Variants in TOGARAM1 observed in about 807,000 individuals in gnomAD.
TOGARAM1 encodes TOG array regulator of axonemal microtubules 1.
Under a neutral mutation model 166.6 loss-of-function variants are expected in TOGARAM1, and 100 were observed. That is an observed-to-expected ratio of 0.60 (90% CI 0.51 to 0.71). The LOEUF is 0.71. Among genes scored for constraint, TOGARAM1 ranks in the 30% least tolerant of loss-of-function variants. The pLI is 0.00. For synonymous variants in TOGARAM1, 758 were observed against 763.8 expected, an observed-to-expected ratio of 0.99 and a Z score of 0.13; for missense variants, 2,029 against 2,102.7, an observed-to-expected ratio of 0.96 and a Z score of 0.69.
chr14:45,038,855 C>G (rs1349915302), intron 11 of TOGARAM1, among the ~76,000 whole-genome samples: 1 of 152,104 alleles, frequency 6.6e-6, no homozygotes, highest in African/African-American at 2.4e-5. Context: ...GAGCAAACCT[C>G]CAGTTGTGGA....
chr14:44,963,120 C>T lies in TOGARAM1; in HGVS notation c.699C>T (p.Ser233=), dbSNP rs897694237. Residue 233 remains serine, a synonymous_variant, in exon 1 of 20, where the codon TCC becomes TCT. Coordinates refer to ENST00000361462, the MANE Select transcript of TOGARAM1 (RefSeq NM_001308120.2). Reference sequence around the variant, plus strand: ...GTACCGATGCCCGACTTAGAGCTTCCACAGCACTACTGCTTCCCATCTTGC... The same window carrying T: ...GTACCGATGCCCGACTTAGAGCTTCTACAGCACTACTGCTTCCCATCTTGC... ...LESTDARLRA[S]TALLLPILLT... 5 of 1,614,060 alleles carry T rather than the reference C, an allele frequency of 3.1e-6. No individual in the cohort carries two copies. The highest frequency in any genetic ancestry group is 3.3e-5 in the Admixed American group (2 of 59,998).
At position 45,073,524 on chromosome 14, in the gene TOGARAM1, A is replaced by G. The variant is rs1309707993; in HGVS notation, c.5285A>G (p.Glu1762Gly). The stretch of plus-strand genomic sequence containing the variant: ...CCACCACATATCAAAAAGAGTTTGG[A>G]GGAATTACTCGATATGACAATTTTA... ...SQPPHIKKSL[E>G]ELLDMTILNE... is the part of the protein sequence containing the mutation. Residue 1762 changes from glutamate (E) to glycine (G), a missense_variant, in exon 20 of 20, where the codon GAG (glutamate) becomes GGG (glycine). By Grantham distance (98) the Glu-to-Gly change is moderately conservative (BLOSUM62 -2). Coordinates refer to ENST00000361462, the MANE Select transcript of TOGARAM1 (RefSeq NM_001308120.2). The G allele has an allele frequency of 2.5e-5, 41 of 1,613,884 alleles. No individual in the cohort carries two copies. The highest frequency in any genetic ancestry group is 4.0e-5 in the African/African-American group (3 of 74,930).
intron 7 of TOGARAM1, among the ~76,000 whole-genome samples, chr14:45,021,579 T>A (rs959501755): frequency 1.3e-5 from 2 of 152,194 alleles, no homozygotes; most frequent in Admixed American, 6.5e-5. Flanking sequence ...TTCACAGGAA[T>A]AGCTAGCGTT....
At position 45,073,843 on chromosome 14, in the gene TOGARAM1, A is replaced by T. The variant is rs371260314; in HGVS notation, c.*282A>T. 4.0e-6 allele frequency: 1 copy of T among 251,806 alleles called. No individual in the cohort carries two copies. The highest frequency in any genetic ancestry group is 5.2e-5 in the Admixed American group (1 of 19,238). The allele number at this position is 251,806 out of a possible 1,614,324, so 15.6% of individuals were successfully genotyped here. ...GAGAAAAGTCCTGCTCATTTGCACT[A>T]TTCTATAGAAACTACAATTTGTTGC... On this transcript the variant is annotated 3_prime_UTR_variant, in exon 20 of 20. Transcript: ENST00000361462.
At chr14:45,057,003 G>T (rs1198225063) in intron 16 of TOGARAM1, among the ~76,000 whole-genome samples, 1 of 152,084 alleles carries the variant, frequency 6.6e-6, no homozygotes, top group Non-Finnish European at 1.5e-5. Flanking sequence ...GAATTCGACT[G>T]TGAACCCATC....
chr14:44,979,431 C>G (rs901211040), intron 1 of TOGARAM1, among the ~76,000 whole-genome samples: 1 of 152,100 alleles, frequency 6.6e-6, no homozygotes, highest in Non-Finnish European at 1.5e-5. Flanking sequence ...TTTATAAGGG[C>G]ACTAATCCCA....
intron 14 of TOGARAM1, among the ~76,000 whole-genome samples, chr14:45,047,835 C>A (rs1286160962): frequency 6.6e-6 from 1 of 151,788 alleles, no homozygotes; most frequent in Non-Finnish European, 1.5e-5. Context: ...GCAGGTAGAT[C>A]ACCTGAGGTC....
At chr14:45,026,870 TG>T (rs1216096222) in intron 8 of TOGARAM1, among the ~76,000 whole-genome samples, 1 of 150,196 alleles carries the variant, frequency 6.7e-6, no homozygotes, top group African/African-American at 2.4e-5. Context: ...TGGGCAGGCC[TG>T]GTGCTGTGCG....
In TOGARAM1 at chr14:45,069,514, TA is replaced by T. The variant is rs146144183; in HGVS notation, c.4969+878del. On this transcript the variant is annotated intron_variant, in intron 18 of 19. Transcript: ENST00000361462. ...AGCTCAACATAAAAAAAAACTCAAA[TA>T]AAAAAATAGACAAAAGACCTGAAAA... Among the ~76,000 whole-genome samples, 589 of 150,374 alleles carry T rather than the reference TA, an allele frequency of 3.9e-3. 4 individuals are homozygous for T. The highest frequency in any genetic ancestry group is 0.013 in the African/African-American group (551 of 40,940).
chr14:44,964,759 A>G (rs1885419530), intron 1 of TOGARAM1, among the ~76,000 whole-genome samples: 1 of 152,102 alleles, frequency 6.6e-6, no homozygotes, highest in African/African-American at 2.4e-5. Context: ...TCATACAACA[A>G]ACATTGAATA....
intron 1 of TOGARAM1, among the ~76,000 whole-genome samples, chr14:44,973,437 A>C (rs1886004288): frequency 6.6e-6 from 1 of 151,984 alleles, no homozygotes; most frequent in African/African-American, 2.4e-5. Context: ...ATTTATACAT[A>C]AACACACAGA....
At chr14:45,063,509 G>C (rs1001593904) in intron 16 of TOGARAM1, among the ~76,000 whole-genome samples, 10 of 125,198 alleles carry the variant, frequency 8.0e-5, no homozygotes, top group East Asian at 6.5e-4. Flanking sequence ...TTTGGAGACA[G>C]AGTCTCGCAC....
Position 45,025,851 on chromosome 14 carries a change from T to C in TOGARAM1, c.3307T>C (p.Ser1103Pro). The C allele has an allele frequency of 6.3e-7, 1 of 1,597,800 alleles. No homozygotes were observed. Among genetic ancestry groups the C allele is most frequent in the South Asian group, 1.1e-5 (1 of 89,818 alleles). The change falls in exon 8 of 20, where the codon TCA becomes CCA. Residue 1103 changes from serine to proline, a missense_variant. By Grantham distance (74) the Ser-to-Pro change is moderately conservative. This residue lies in a region of TOGARAM1 where 1,453 missense variants were observed against 1,432.2 expected (regional missense o/e 1.01). Transcript: ENST00000361462. The part of the protein sequence containing the change: ...FTTTKALSED[S>P]VVVVGKGVFG... ...AACCACAAAGGCTTTATCAGAAGACTCAGTAGTAGTTGTTGGAAAAGGTAT... is the reference window on the plus strand; with the variant it reads ...AACCACAAAGGCTTTATCAGAAGACCCAGTAGTAGTTGTTGGAAAAGGTAT...
chr14:44,980,290 A>G (rs77832563), intron 1 of TOGARAM1, among the ~76,000 whole-genome samples: 2 of 152,226 alleles, frequency 1.3e-5, no homozygotes, highest in Admixed American at 1.3e-4. Context: ...CAGAAAAAAA[A>G]TCATGAATAT....
At chr14:45,009,478 A>G (rs895630196) in intron 6 of TOGARAM1, among the ~76,000 whole-genome samples, 3 of 152,142 alleles carry the variant, frequency 2.0e-5, no homozygotes, top group Non-Finnish European at 2.9e-5. Context: ...CTCCTTTGCC[A>G]GTTGATCTAT....
chr14:44,985,830 C>T (rs1886764747), intron 1 of TOGARAM1, among the ~76,000 whole-genome samples: 4 of 152,158 alleles, frequency 2.6e-5, no homozygotes, highest in Admixed American at 2.6e-4. Flanking sequence ...ATTATAAAAA[C>T]AAGTTTGATG....
At chr14:45,006,323 G>T (rs1879426366) in intron 5 of TOGARAM1, 56 bp downstream of exon 5, 2 of 1,288,428 alleles carry the variant, frequency 1.6e-6, no homozygotes. Flanking sequence ...CTATAATATA[G>T]TTGCTATTTA....
intron 11 of TOGARAM1, among the ~76,000 whole-genome samples, chr14:45,032,989 C>T (rs144237394): frequency 0.026 from 3,910 of 152,250 alleles, 72 homozygotes; most frequent in Non-Finnish European, 0.037. Context: ...CAGTGGCTTA[C>T]GCCTGTAATC....
intron 16 of TOGARAM1, among the ~76,000 whole-genome samples, chr14:45,065,624 T>C (rs1883106335): frequency 6.6e-6 from 1 of 152,186 alleles, no homozygotes; most frequent in African/African-American, 2.4e-5. Flanking sequence ...TGCTGGTCTC[T>C]AGTTTCTCAT....
Sources: allele counts gnomAD v4.1 joint callset (sites outside exome capture counted in the v4.1 genomes callset), GRCh38; gene constraint gnomAD v4.1.1; regional missense constraint gnomAD v4.1.1; transcripts MANE v1.5; gene names NCBI Gene and HGNC (gene_info 2026-07-23, HGNC 2026-07-21).